AFDN: variants seen among roughly 807,000 people sequenced by gnomAD.
The protein encoded by AFDN is afadin.
In AFDN, 68 loss-of-function variants were observed where a neutral mutation model predicts 216.6. The observed-to-expected ratio is 0.31, with a 90% CI of 0.26 to 0.38. The LOEUF (loss-of-function observed/expected upper bound fraction) is 0.38. AFDN is among the 10% of genes least tolerant of loss of function. The pLI is 1.00. For missense variants in AFDN, 2,136 were observed against 2,342.0 expected (o/e 0.91, Z 1.82); for synonymous variants, 868 against 853.7 (o/e 1.02, Z -0.29).
At chr6:167,828,620 C>G (rs918346578) in intron 1 of AFDN, among the ~76,000 whole-genome samples, 5 of 152,126 alleles carry the variant, frequency 3.3e-5, no homozygotes, top group Admixed American at 2.0e-4. Context: ...CGTTCATAGA[C>G]TAGTGTATCT....
intron 5 of AFDN, among the ~76,000 whole-genome samples, chr6:167,880,004 A>G (rs915284245): frequency 6.6e-6 from 1 of 152,242 alleles, no homozygotes; most frequent in Non-Finnish European, 1.5e-5. Context: ...TCGCAAAGCA[A>G]TTGAATAAAG....
intron 23 of AFDN, among the ~76,000 whole-genome samples, chr6:167,940,006 A>G (rs745806856): frequency 1.3e-5 from 2 of 152,252 alleles, no homozygotes; most frequent in Non-Finnish European, 2.9e-5. Context: ...GTCTTTGCCA[A>G]CTATCCCAGT....
At chr6:167,915,466 C>T in intron 19 of AFDN, 33 bp downstream of exon 19, 1 of 1,574,538 alleles carries the variant, frequency 6.4e-7, no homozygotes, top group African/African-American at 1.3e-5. Context: ...AGCTCATGTG[C>T]TTTATGATAA....
chr6:167,891,175 A>G (rs1787526570), intron 8 of AFDN, 146 bp downstream of exon 8: 8 of 553,692 alleles, frequency 1.4e-5, no homozygotes, highest in Middle Eastern at 7.8e-4. Flanking sequence ...AACTCTCATA[A>G]CATTTATTTC....
At position 167,962,509 on chromosome 6, in the gene AFDN, A is replaced by G; in HGVS notation, c.4910A>G (p.Gln1637Arg). 6.2e-7 allele frequency: 1 copy of G among 1,613,880 alleles called. No individual in the cohort carries two copies. The highest frequency in any genetic ancestry group is 8.5e-7 in the Non-Finnish European group (1 of 1,179,766). ...CGGGAAGCGGAAGACCGAGCGAGGC[A>G]AGAGGAAGAGCGCCGGCGGCAGGAG... ...RKREAEDRAR[Q>R]EEERRRQEEE... Residue 1637 changes from glutamine (Q) to arginine (R), a missense_variant, in exon 31 of 34, where the codon CAA (glutamine) becomes CGA (arginine). Gln to Arg is a conservative substitution (Grantham distance 43, BLOSUM62 1). Around this residue, in one of 8 missense-constraint regions of AFDN, gnomAD observed 981 missense variants for 966.0 expected, o/e 1.02. Transcript: ENST00000683244. This position sits in a 1 kb window ranked among gnomAD's most constrained non-coding sequence, Gnocchi z 5.2.
At chr6:167,868,460 T>C (rs983232600) in intron 2 of AFDN, among the ~76,000 whole-genome samples, 3 of 152,230 alleles carry the variant, frequency 2.0e-5, no homozygotes, top group Non-Finnish European at 4.4e-5. Flanking sequence ...ATTTATCATT[T>C]ATTGCTTCAA....
intron 1 of AFDN, among the ~76,000 whole-genome samples, chr6:167,829,633 A>G (rs2128065909): frequency 6.6e-6 from 1 of 152,150 alleles, no homozygotes; most frequent in South Asian, 2.1e-4. Flanking sequence ...TTACTTGGGT[A>G]ATCTTTTTAT....
intron 1 of AFDN, among the ~76,000 whole-genome samples, chr6:167,848,929 G>T (rs893318754): frequency 1.7e-4 from 26 of 152,098 alleles, no homozygotes; most frequent in Non-Finnish European, 3.8e-4. Context: ...CATACTGCTG[G>T]AACTGGGTGT....
At chr6:167,948,569 C>A in intron 29 of AFDN, 91 bp downstream of exon 29, 3 of 1,223,424 alleles carry the variant, frequency 2.5e-6, no homozygotes, top group Non-Finnish European at 3.3e-6. Context: ...TATAGAACAG[C>A]ATTGTTGGCC....
At chr6:167,892,023 T>G (rs970807782) in intron 8 of AFDN, among the ~76,000 whole-genome samples, 2 of 152,342 alleles carry the variant, frequency 1.3e-5, no homozygotes, top group East Asian at 3.9e-4. Flanking sequence ...TTCTTACAGC[T>G]AGGTTATTGC....
intron 21 of AFDN, among the ~76,000 whole-genome samples, chr6:167,921,605 C>T (rs554797528): frequency 6.6e-5 from 10 of 152,038 alleles, no homozygotes; most frequent in South Asian, 2.1e-4. Context: ...AGATGCATTC[C>T]GTAAGCTAAT....
chr6:167,965,799 A>G lies in AFDN; in HGVS notation c.5011A>G (p.Arg1671Gly). The G allele has an allele frequency of 6.4e-7, 1 of 1,563,120 alleles. No homozygotes were observed. The highest frequency in any genetic ancestry group is 8.7e-7 in the Non-Finnish European group (1 of 1,155,804). ...EGYYSRLEAE[R>G]RRQHDEAARR... Reference sequence around the variant, plus strand: ...GTATTACAGCCGCCTGGAAGCCGAGAGGCGCAGACAGCACGACGAGGCGGC... The same window carrying G: ...GTATTACAGCCGCCTGGAAGCCGAGGGGCGCAGACAGCACGACGAGGCGGC... The change falls in exon 32 of 34, where the codon AGG becomes GGG. Residue 1671 changes from arginine (R) to glycine (G), a missense_variant. By Grantham distance (125) the Arg-to-Gly change is moderately radical. Coordinates refer to ENST00000683244, the MANE Select transcript of AFDN (RefSeq NM_001386888.1).
intron 1 of AFDN, among the ~76,000 whole-genome samples, chr6:167,844,866 T>TTTTTTTTTTTTTG (rs1399027374): frequency 2.9e-5 from 4 of 136,026 alleles, no homozygotes; most frequent in Non-Finnish European, 6.3e-5. Flanking sequence ...TTTTTTTTTT[T>TTTTTTTTTTTTTG]TTTTGGTTTT....
At position 167,839,563 on chromosome 6, in the gene AFDN, T is replaced by G. The variant is rs138904538; in HGVS notation, c.105+12326T>G. ...AGGGAGGAAGTGAACAATTACCTAA[T>G]GAGCTTGCTGTGCCTTAAGAAGAGG... On this transcript the variant is annotated intron_variant, in intron 1 of 33. Coordinates refer to ENST00000683244, the MANE Select transcript of AFDN (RefSeq NM_001386888.1). Among the ~76,000 whole-genome samples, 7 of 152,272 alleles carry G rather than the reference T, an allele frequency of 4.6e-5. No homozygotes were observed. The East Asian group carries it at 1.4e-3, about 29-fold the overall frequency.
intron 30 of AFDN, among the ~76,000 whole-genome samples, chr6:167,954,861 G>T (rs1019210586): frequency 3.3e-5 from 5 of 151,994 alleles, no homozygotes; most frequent in Non-Finnish European, 5.9e-5. Context: ...ATATTCAGTT[G>T]TTATAAACTC....
At position 167,828,729 on chromosome 6, in the gene AFDN, T is replaced by TA. The variant is rs527246368; in HGVS notation, c.105+1496dup. On this transcript the variant is annotated intron_variant, in intron 1 of 33. Coordinates refer to ENST00000683244, the MANE Select transcript of AFDN (RefSeq NM_001386888.1). ...ATCACAAGGTAAAAAAAGTTGACCA[T>TA]AAAACATTTTCTTGGTGTGTAGCTT... Among the ~76,000 whole-genome samples, 658 of 151,616 alleles carry TA rather than the reference T, an allele frequency of 4.3e-3. 3 individuals are homozygous for TA. The highest frequency in any genetic ancestry group is 5.7e-3 in the Non-Finnish European group (389 of 67,876).
intron 11 of AFDN, among the ~76,000 whole-genome samples, chr6:167,900,082 A>G (rs1241861065): frequency 3.3e-5 from 5 of 152,272 alleles, no homozygotes; most frequent in Non-Finnish European, 7.3e-5. Flanking sequence ...TTAGGTTTCA[A>G]TGAGGAGAAT....
intron 21 of AFDN, among the ~76,000 whole-genome samples, chr6:167,920,484 CCCACAGGCT>C (rs1362196333): frequency 6.6e-6 from 1 of 152,180 alleles, no homozygotes; most frequent in African/African-American, 2.4e-5. Flanking sequence ...AGCTTTCCTT[CCCACAGGCT>C]TCTTCCCCAC....
At chr6:167,960,830 C>A (rs970997534) in intron 30 of AFDN, among the ~76,000 whole-genome samples, 100 of 152,158 alleles carry the variant, frequency 6.6e-4, no homozygotes, top group Non-Finnish European at 2.4e-4. Flanking sequence ...TCTACTCCTG[C>A]TATAAGCCCC....
Sources: allele counts gnomAD v4.1 joint callset (sites outside exome capture counted in the v4.1 genomes callset), GRCh38; gene constraint gnomAD v4.1.1; regional missense constraint gnomAD v4.1.1; non-coding constraint Gnocchi (gnomAD v3.1); transcripts MANE v1.5; gene names NCBI Gene and HGNC (gene_info 2026-07-23, HGNC 2026-07-21).